KCNIP1: variants seen among roughly 807,000 people sequenced by gnomAD.
The protein encoded by KCNIP1 is A-type potassium channel modulatory protein KCNIP1.
Under a neutral mutation model 33.0 loss-of-function variants are expected in KCNIP1, and 18 were observed. That is an observed-to-expected ratio of 0.55 (90% CI 0.38 to 0.81). KCNIP1 has a LOEUF of 0.81. Among genes scored for constraint, KCNIP1 ranks in the 30% least tolerant of loss-of-function variants. The pLI, the probability that KCNIP1 is intolerant of heterozygous loss-of-function variation, is 0.00. For missense variants in KCNIP1, 238 were observed against 271.6 expected (o/e 0.88, Z 0.87); for synonymous variants, 93 against 98.3 (o/e 0.95, Z 0.32).
At position 170,581,347 on chromosome 5, in the gene KCNIP1, C is replaced by G. The variant is rs756003492; in HGVS notation, c.61+76714C>G. Among the ~76,000 whole-genome samples the G allele has an allele frequency of 3.3e-5, 5 of 152,250 alleles. No homozygotes were observed. The East Asian group carries it at 7.7e-4, about 23-fold the overall frequency. ...TTGAGCTCACAATTAGTTCCACTTC[C>G]TACACCACCTGGATCATGAGTGTCA... On this transcript the variant is annotated intron_variant, in intron 1 of 7. Transcript: ENST00000328939.
At chr5:170,589,723 ATGTGG>A (rs70979189) in intron 1 of KCNIP1, among the ~76,000 whole-genome samples, 4,970 of 132,134 alleles carry the variant, frequency 0.038, 168 homozygotes, top group Non-Finnish European at 0.048. Flanking sequence ...GTGTGGTGTG[ATGTGG>A]TGTGGTGTGG....
chr5:170,523,715 C>A (rs987653890), intron 1 of KCNIP1, among the ~76,000 whole-genome samples: 7 of 152,116 alleles, frequency 4.6e-5, no homozygotes, highest in Non-Finnish European at 1.0e-4. Flanking sequence ...GCGGATGACA[C>A]CAAGTGTCTT....
intron 1 of KCNIP1, among the ~76,000 whole-genome samples, chr5:170,608,578 C>T (rs545598597): frequency 6.6e-6 from 1 of 152,196 alleles, no homozygotes; most frequent in South Asian, 2.1e-4. Flanking sequence ...TTGAGACCAG[C>T]CTGGCCAACA....
Position 170,529,057 on chromosome 5 carries a change from CT to C in KCNIP1, c.61+24425del, listed in dbSNP as rs369395696. On this transcript the variant is annotated intron_variant, in intron 1 of 7. Transcript: ENST00000328939. ...TCAGTTTCAAACAACAGAAAACCAA[CT>C]CTTCCTGTTTAAAGGAAGAAAAGGG... is the stretch of plus-strand genomic sequence containing the variant. 1.4e-4 allele frequency among the ~76,000 whole-genome samples: 22 copies of C among 152,302 alleles called. No individual in the cohort carries two copies. In the East Asian group the frequency reaches 4.1e-3, roughly 28 times the overall value.
At chr5:170,605,587 C>G (rs58737831) in intron 1 of KCNIP1, among the ~76,000 whole-genome samples, 1 of 151,942 alleles carries the variant, frequency 6.6e-6, no homozygotes, top group Non-Finnish European at 1.5e-5. Context: ...ACTCCCCATT[C>G]CCACCTCCCC....
intron 3 of KCNIP1, among the ~76,000 whole-genome samples, chr5:170,720,676 T>C (rs887383365): frequency 1.3e-5 from 2 of 152,206 alleles, no homozygotes; most frequent in African/African-American, 4.8e-5. Flanking sequence ...ATGGAGTAAC[T>C]GAGTTTCGGG....
chr5:170,553,222 G>A (rs1437954544), intron 1 of KCNIP1, among the ~76,000 whole-genome samples: 1 of 152,246 alleles, frequency 6.6e-6, no homozygotes. Context: ...CCTGAACAGG[G>A]AAGGATGCCT....
At chr5:170,559,812 G>A (rs1440437930) in intron 1 of KCNIP1, among the ~76,000 whole-genome samples, 1 of 152,176 alleles carries the variant, frequency 6.6e-6, no homozygotes, top group Admixed American at 6.6e-5. Context: ...CTGCCTCAAG[G>A]TAGGCAGATG....
intron 1 of KCNIP1, among the ~76,000 whole-genome samples, chr5:170,700,907 T>C (rs1026474721): frequency 1.3e-5 from 2 of 152,200 alleles, no homozygotes; most frequent in Non-Finnish European, 2.9e-5. Flanking sequence ...CACCCCAATA[T>C]AATATTTTGT....
In KCNIP1 at chr5:170,673,129, C is replaced by T. The variant is rs143911889; in HGVS notation, c.62-45629C>T. 7.6e-4 allele frequency among the ~76,000 whole-genome samples: 116 copies of T among 152,320 alleles called. 3 individuals are homozygous for T. In the East Asian group the frequency reaches 0.021, roughly 27 times the overall value. ...TGAAAATGTGTTATTTAAAAGTGTT[C>T]GATGAATTCTGAGTTTTAGTAATTC... On this transcript the variant is annotated intron_variant, in intron 1 of 7. Coordinates refer to ENST00000328939, the MANE Select transcript of KCNIP1 (RefSeq NM_014592.4).
intron 1 of KCNIP1, among the ~76,000 whole-genome samples, chr5:170,393,328 G>A (rs1754664432): frequency 6.6e-6 from 1 of 152,214 alleles, no homozygotes; most frequent in Non-Finnish European, 1.5e-5. Flanking sequence ...TGACACTTGG[G>A]ATAATAAGTC....
intron 2 of KCNIP1, among the ~76,000 whole-genome samples, chr5:170,719,531 T>C (rs1763745615): frequency 6.6e-6 from 1 of 152,178 alleles, no homozygotes; most frequent in Non-Finnish European, 1.5e-5. Flanking sequence ...CAGAGTGCAA[T>C]CTTATTCCCA....
intron 1 of KCNIP1, among the ~76,000 whole-genome samples, chr5:170,594,815 TAC>T (rs1758388945): frequency 1.3e-5 from 2 of 152,342 alleles, no homozygotes; most frequent in East Asian, 1.9e-4. Context: ...CCAGCCTAAC[TAC>T]AGTTTCTTTA....
chr5:170,462,703 C>T (rs1163748402), intron 1 of KCNIP1, among the ~76,000 whole-genome samples: 4 of 152,072 alleles, frequency 2.6e-5, no homozygotes, highest in East Asian at 1.9e-4. Context: ...CAGCACAATT[C>T]GCAATTGTAA....
At chr5:170,589,625 G>A (rs1268722539) in intron 1 of KCNIP1, among the ~76,000 whole-genome samples, 1 of 152,172 alleles carries the variant, frequency 6.6e-6, no homozygotes, top group Non-Finnish European at 1.5e-5. Context: ...TGAGTGTCAG[G>A]GAAGCCCCCT....
intron 1 of KCNIP1, among the ~76,000 whole-genome samples, chr5:170,584,059 T>G (rs1757896190): frequency 6.6e-6 from 1 of 152,216 alleles, no homozygotes; most frequent in African/African-American, 2.4e-5. Context: ...CTGACTCAAC[T>G]ACCTGAAGAT....
intron 1 of KCNIP1, among the ~76,000 whole-genome samples, chr5:170,647,977 A>G (rs1760858028): frequency 6.6e-6 from 1 of 152,228 alleles, no homozygotes; most frequent in South Asian, 2.1e-4. Flanking sequence ...AGACCCGAAC[A>G]GACATTTCAC....
chr5:170,634,791 T>A (rs1760221251), intron 1 of KCNIP1, among the ~76,000 whole-genome samples: 1 of 152,230 alleles, frequency 6.6e-6, no homozygotes, highest in Non-Finnish European at 1.5e-5. Context: ...ATATGATACA[T>A]TTTGCAATTT....
At chr5:170,647,616 A>G (rs1482215324) in intron 1 of KCNIP1, among the ~76,000 whole-genome samples, 1 of 152,046 alleles carries the variant, frequency 6.6e-6, no homozygotes, top group East Asian at 1.9e-4. Context: ...CACCCTTCAC[A>G]ATAATTAACT....
Sources: allele counts gnomAD v4.1 joint callset (sites outside exome capture counted in the v4.1 genomes callset), GRCh38; gene constraint gnomAD v4.1.1; transcripts MANE v1.5; gene names NCBI Gene and HGNC (gene_info 2026-07-23, HGNC 2026-07-21).